NRAP: variants seen among roughly 807,000 people sequenced by gnomAD.
NRAP encodes nebulin related anchoring protein.
A neutral mutation model predicts 225.9 loss-of-function variants in NRAP; 189 were observed. The observed-to-expected ratio is 0.84, with a 90% CI of 0.74 to 0.94. NRAP has a LOEUF of 0.94. Ranked by LOEUF, NRAP falls within the 40% of genes least tolerant of loss-of-function variation. The pLI, the probability that NRAP is intolerant of heterozygous loss-of-function variation, is 0.00. For missense variants in NRAP, 2,176 were observed against 2,168.7 expected (o/e 1.00, Z -0.07); for synonymous variants, 769 against 790.7 (o/e 0.97, Z 0.46).
chr10:113,626,170 A>C (rs764675814), intron 20 of NRAP, 25 bp from the exon 21 acceptor site: 1 of 1,545,320 alleles, frequency 6.5e-7, no homozygotes, highest in Admixed American at 1.9e-5. Flanking sequence ...AAGGGACCCC[A>C]CAGCATTAGG....
chr10:113,598,649 G>A (rs977249676), intron 35 of NRAP, among the ~76,000 whole-genome samples: 1 of 152,150 alleles, frequency 6.6e-6, no homozygotes, highest in African/African-American at 2.4e-5. Context: ...TTGTTCTTGT[G>A]ATAGTGGTAG....
At chr10:113,650,828 C>G (rs747362494) in intron 7 of NRAP, among the ~76,000 whole-genome samples, 2 of 152,202 alleles carry the variant, frequency 1.3e-5, no homozygotes, top group Non-Finnish European at 2.9e-5. Context: ...GTAATAAGTC[C>G]TCAGCCCTCA....
Position 113,622,165 on chromosome 10 carries a change from C to A in NRAP, c.2473G>T (p.Asp825Tyr). ...DLASEVKYKE[D>Y]YERSRGKLIG... Reference sequence around the variant, plus strand: ...AGCTTCCCTCTGGATCTCTCATAATCCTCCTTGTACTTCACCTAAATAAGA... The same window carrying A: ...AGCTTCCCTCTGGATCTCTCATAATACTCCTTGTACTTCACCTAAATAAGA... The change falls in exon 24 of 42, where the codon GAT becomes TAT. Residue 825 changes from aspartate to tyrosine, a missense_variant. Transcript: ENST00000359988. The A allele has an allele frequency of 6.2e-7, 1 of 1,611,712 alleles. No individual in the cohort carries two copies. Among genetic ancestry groups the A allele is most frequent in the Non-Finnish European group, 8.5e-7 (1 of 1,177,952 alleles).
rs754753940 is a variant in NRAP at position 113,652,997 on chromosome 10, A to T, written c.508T>A (p.Phe170Ile). 6.2e-7 allele frequency: 1 copy of T among 1,612,998 alleles called. No homozygotes were observed. Among genetic ancestry groups the T allele is most frequent in the Non-Finnish European group, 8.5e-7 (1 of 1,179,674 alleles). The change falls in exon 6 of 42, where the codon TTT becomes ATT. Residue 170 changes from phenylalanine (F) to isoleucine (I), a missense_variant. Phe to Ile is a conservative substitution (Grantham distance 21, BLOSUM62 0). Around this residue, in one of 3 missense-constraint regions of NRAP, gnomAD observed 1,708 missense variants for 1,695.5 expected, o/e 1.01. Coordinates refer to ENST00000359988, the MANE Select transcript of NRAP (RefSeq NM_198060.4). ...TAAGCAGGTGTGATCATGGCTGGAA[A>T]GCTCCCCTTGCCCCTGGGTTGCTCA... is the stretch of plus-strand genomic sequence containing the variant. ...DYEQPRGKGS[F>I]PAMITPAYQR...
rs1471062430 is a variant in NRAP at position 113,595,646 on chromosome 10, G to A, written c.4513C>T (p.Leu1505Phe). The A allele has an allele frequency of 6.2e-7, 1 of 1,612,948 alleles. No individual in the cohort carries two copies. The highest frequency in any genetic ancestry group is 1.7e-5 in the Admixed American group (1 of 60,032). ...ACGTCACTCAGATGCAGCGCATTGAGGCGAGCTCGGGTGAAATCGGGATGG... is the reference window on the plus strand; with the variant it reads ...ACGTCACTCAGATGCAGCGCATTGAAGCGAGCTCGGGTGAAATCGGGATGG... ...PDHPDFTRAR[L>F]NALHLSDKVY... Residue 1505 changes from leucine to phenylalanine, a missense_variant, in exon 38 of 42, where the codon CTC becomes TTC. Leu to Phe is a conservative substitution (Grantham distance 22, BLOSUM62 0). Transcript: ENST00000359988.
intron 19 of NRAP, 90 bp downstream of exon 19, chr10:113,629,498 T>C: frequency 1.1e-6 from 1 of 904,542 alleles, no homozygotes; most frequent in Non-Finnish European, 1.8e-6. Context: ...CCAAGTTATG[T>C]AATAGACTCG....
intron 10 of NRAP, among the ~76,000 whole-genome samples, 155 bp from the exon 11 acceptor site, chr10:113,646,096 T>C (rs1248112028): frequency 6.6e-6 from 1 of 152,212 alleles, no homozygotes. Flanking sequence ...CTTCATTAAA[T>C]CTATAAACTA....
intron 24 of NRAP, among the ~76,000 whole-genome samples, 157 bp from the exon 25 acceptor site, chr10:113,620,865 T>C (rs1341254217): frequency 6.6e-6 from 1 of 152,148 alleles, no homozygotes; most frequent in African/African-American, 2.4e-5. Context: ...CAGGTAGGGC[T>C]CCCAAAAGTC....
At chr10:113,608,190 G>A (rs1376765253) in intron 32 of NRAP, among the ~76,000 whole-genome samples, 1 of 152,216 alleles carries the variant, frequency 6.6e-6, no homozygotes, top group Non-Finnish European at 1.5e-5. Flanking sequence ...AATGTAGCTG[G>A]TCTGGGATTG....
At chr10:113,635,703 C>T (rs977390157) in intron 14 of NRAP, among the ~76,000 whole-genome samples, 1 of 152,182 alleles carries the variant, frequency 6.6e-6, no homozygotes, top group African/African-American at 2.4e-5. Context: ...GCTGGGATTA[C>T]AGGCGTGAGC....
At chr10:113,600,155 TTCTCTCTCTCTCTC>T (rs10529111) in intron 35 of NRAP, among the ~76,000 whole-genome samples, 42 of 140,298 alleles carry the variant, frequency 3.0e-4, no homozygotes, top group Non-Finnish European at 4.3e-4. Context: ...AGGGGTTATA[TTCTCTCTCTCTCTC>T]TCTCTCTCTC....
Position 113,645,496 on chromosome 10 carries a change from C to A in NRAP, c.1110+329G>T, listed in dbSNP as rs149891409. Among the ~76,000 whole-genome samples the A allele has an allele frequency of 2.6e-5, 4 of 152,282 alleles. No homozygotes were observed. The East Asian group carries it at 5.8e-4, about 22-fold the overall frequency. On this transcript the variant is annotated intron_variant, in intron 11 of 41. Coordinates refer to ENST00000359988, the MANE Select transcript of NRAP (RefSeq NM_198060.4). The stretch of plus-strand genomic sequence containing the variant: ...GCAATAGCACTATCTCGGCTCACCG[C>A]GACCTCCGCCTCCCGAGTTCAAGCA...
At chr10:113,631,673 G>T in intron 17 of NRAP, 63 bp from the exon 18 acceptor site, 1 of 1,129,890 alleles carries the variant, frequency 8.9e-7, no homozygotes, top group Non-Finnish European at 1.3e-6. Context: ...AAGGGGCTCT[G>T]GTTTTAACAA....
chr10:113,641,686 A>C (rs1309550825), intron 12 of NRAP, among the ~76,000 whole-genome samples: 1 of 152,236 alleles, frequency 6.6e-6, no homozygotes, highest in African/African-American at 2.4e-5. Flanking sequence ...ACAGGAAGAC[A>C]AGGAAACATG....
In NRAP at chr10:113,641,472, T is replaced by A; in HGVS notation, c.1216A>T (p.Asn406Tyr). ...VSKISKFTSDNKYKENYQNHM... is the reference protein window; with the variant it reads ...VSKISKFTSDYKYKENYQNHM... ...TTCTGGTAGTTTTCTTTATATTTAT[T>A]CTACATGGAAACGCAAAGTTTTCAA... is the stretch of plus-strand genomic sequence containing the variant. The change falls in exon 13 of 42, where the codon AAT (asparagine) becomes TAT (tyrosine). Residue 406 changes from asparagine (N) to tyrosine (Y), a missense_variant and splice_region_variant. Physicochemically the swap from Asn to Tyr is moderately radical, Grantham distance 143. This residue lies in a region of NRAP where 1,708 missense variants were observed against 1,695.5 expected (regional missense o/e 1.01). Transcript: ENST00000359988. The A allele has an allele frequency of 6.2e-7, 1 of 1,603,092 alleles. No homozygotes were observed. Among genetic ancestry groups the A allele is most frequent in the Non-Finnish European group, 8.5e-7 (1 of 1,170,170 alleles).
Position 113,647,103 on chromosome 10 carries a change from T to C in NRAP, c.889-76A>G. On this transcript the variant is annotated intron_variant, in intron 9 of 41. Coordinates refer to ENST00000359988, the MANE Select transcript of NRAP (RefSeq NM_198060.4). ...GGTGGGGTTCAGCAATGGTCACTCA[T>C]AGAGCCTATTCTCACAGAGGTTCAT... 11 of 887,174 alleles carry C rather than the reference T, an allele frequency of 1.2e-5. No individual in the cohort carries two copies. The South Asian group carries it at 1.5e-4, about 12-fold the overall frequency. The allele number at this position is 887,174 out of a possible 1,614,324, so 55.0% of individuals were successfully genotyped here.
chr10:113,645,356 G>A (rs912879908), intron 11 of NRAP, among the ~76,000 whole-genome samples: 3 of 152,106 alleles, frequency 2.0e-5, no homozygotes, highest in Non-Finnish European at 4.4e-5. Context: ...GCATTTTACC[G>A]CATATCTGTT....
intron 17 of NRAP, 70 bp from the exon 18 acceptor site, chr10:113,631,680 A>G: frequency 9.3e-7 from 1 of 1,080,050 alleles, no homozygotes; most frequent in Non-Finnish European, 1.4e-6. Flanking sequence ...TCTGGTTTTA[A>G]CAAGTGCAAG....
At chr10:113,621,761 G>A (rs757602266) in intron 24 of NRAP, 108 bp downstream of exon 24, 1 of 1,000,452 alleles carries the variant, frequency 1.0e-6, no homozygotes, top group South Asian at 1.6e-5. Flanking sequence ...AGAAACAGGT[G>A]TCCCATAGCA....
Sources: allele counts gnomAD v4.1 joint callset (sites outside exome capture counted in the v4.1 genomes callset), GRCh38; gene constraint gnomAD v4.1.1; regional missense constraint gnomAD v4.1.1; transcripts MANE v1.5; gene names NCBI Gene and HGNC (gene_info 2026-07-23, HGNC 2026-07-21).